The following TRIM58 variants were observed in gnomAD, a reference collection of about 807,000 sequenced individuals.
The protein encoded by TRIM58 is E3 ubiquitin-protein ligase TRIM58.
A neutral mutation model predicts 34.1 loss-of-function variants in TRIM58; 38 were observed. The ratio of observed to expected loss-of-function variants is 1.12; its 90% CI spans 0.86 to 1.46. The LOEUF is 1.46. TRIM58 is among the 40% of genes most tolerant of loss of function. The pLI is 0.00. For synonymous variants in TRIM58, 273 were observed against 275.7 expected, an observed-to-expected ratio of 0.99 and a Z score of 0.10; for missense variants, 677 against 642.0, an observed-to-expected ratio of 1.05 and a Z score of -0.59.
intron 1 of TRIM58, 34 bp from the exon 2 acceptor site, chr1:247,860,583 G>T: frequency 6.9e-7 from 1 of 1,455,234 alleles, no homozygotes; most frequent in Non-Finnish European, 9.6e-7. Context: ...TACAGATTGA[G>T]GGCATCTGTA....
chr1:247,861,952 C>T (rs1033272545), intron 2 of TRIM58, among the ~76,000 whole-genome samples: 2 of 151,326 alleles, frequency 1.3e-5, no homozygotes, highest in African/African-American at 4.9e-5. Context: ...GGAGAAACCC[C>T]GTCTCTACTA....
rs1659323267 is a variant in TRIM58 at position 247,877,716 on chromosome 1, C to T, written c.*1227C>T. On this transcript the variant is annotated 3_prime_UTR_variant, in exon 6 of 6. Transcript: ENST00000366481. ...ATATTTGATATTGCTGGTTTGAATTCAGCTTTTCCATTTAAATACATTATA... is the reference window on the plus strand; with the variant it reads ...ATATTTGATATTGCTGGTTTGAATTTAGCTTTTCCATTTAAATACATTATA... The T allele has an allele frequency of 6.6e-6, 1 of 152,088 alleles. No individual in the cohort carries two copies. The highest frequency in any genetic ancestry group is 2.4e-5 in the African/African-American group (1 of 41,398). The allele number at this position is 152,088 out of a possible 1,614,324, so 9.4% of individuals were successfully genotyped here. A position where few individuals can be genotyped will look rare whatever the true frequency, so the allele number is the denominator to read the frequency against.
intron 2 of TRIM58, among the ~76,000 whole-genome samples, chr1:247,863,081 G>A (rs1274434008): frequency 1.3e-5 from 2 of 152,194 alleles, no homozygotes; most frequent in Non-Finnish European, 2.9e-5. Flanking sequence ...AGACTTGGCT[G>A]ATTTCAGAAA....
intron 1 of TRIM58, 138 bp from the exon 2 acceptor site, chr1:247,860,479 T>C (rs1663760591): frequency 1.7e-6 from 1 of 593,720 alleles, no homozygotes; most frequent in Non-Finnish European, 3.0e-6. Context: ...TACATTTATG[T>C]TTAGTTTTTA....
chr1:247,873,409 T>C (rs1381009853), intron 5 of TRIM58, among the ~76,000 whole-genome samples: 1 of 152,126 alleles, frequency 6.6e-6, no homozygotes, highest in Non-Finnish European at 1.5e-5. Context: ...AGATCTCTTT[T>C]GTTAGAAATG....
Position 247,867,959 on chromosome 1 carries a change from C to T in TRIM58, c.771-4C>T. ...GACTTCTGTGGTTTCTGTGCTCTTC[C>T]CAGAAGTAAGGCTGTCACAAGGCTG... On this transcript the variant is annotated splice_polypyrimidine_tract_variant and splice_region_variant and intron_variant, in intron 4 of 5. Coordinates refer to ENST00000366481, the MANE Select transcript of TRIM58 (RefSeq NM_015431.4). 1 of 1,613,092 alleles carries T rather than the reference C, an allele frequency of 6.2e-7. No individual in the cohort carries two copies. Among genetic ancestry groups the T allele is most frequent in the Non-Finnish European group, 8.5e-7 (1 of 1,179,518 alleles).
Position 247,876,753 on chromosome 1 carries a change from A to G in TRIM58, c.*264A>G. ...CTTGATGTCTTCCTTCAAATTAATGACCTTGGATTACATAAGGATTTCTAT... is the reference window on the plus strand; with the variant it reads ...CTTGATGTCTTCCTTCAAATTAATGGCCTTGGATTACATAAGGATTTCTAT... On this transcript the variant is annotated 3_prime_UTR_variant, in exon 6 of 6. Coordinates refer to ENST00000366481, the MANE Select transcript of TRIM58 (RefSeq NM_015431.4). 2.2e-6 allele frequency: 1 copy of G among 459,264 alleles called. No individual in the cohort carries two copies. Among genetic ancestry groups the G allele is most frequent in the Non-Finnish European group, 3.9e-6 (1 of 258,750 alleles). The allele number at this position is 459,264 out of a possible 1,614,324, so 28.4% of individuals were successfully genotyped here.
At chr1:247,858,254 C>T (rs184021581) in intron 1 of TRIM58, among the ~76,000 whole-genome samples, 2 of 152,168 alleles carry the variant, frequency 1.3e-5, no homozygotes, top group East Asian at 1.9e-4. Flanking sequence ...ACTTAGGATT[C>T]GAACATCCTC....
intron 5 of TRIM58, among the ~76,000 whole-genome samples, chr1:247,873,754 A>T (rs1659202422): frequency 6.6e-6 from 1 of 152,110 alleles, no homozygotes; most frequent in Non-Finnish European, 1.5e-5. Context: ...GATTGCTTGA[A>T]CCCAGGAGTT....
At position 247,876,070 on chromosome 1, in the gene TRIM58, T is replaced by G; in HGVS notation, c.1042T>G (p.Trp348Gly). 2 of 1,614,148 alleles carry G rather than the reference T, an allele frequency of 1.2e-6. No homozygotes were observed. Among genetic ancestry groups the G allele is most frequent in the Non-Finnish European group, 8.5e-7 (1 of 1,180,028 alleles). Residue 348 changes from tryptophan (W) to glycine (G), a missense_variant, in exon 6 of 6, where the codon TGG becomes GGG. By Grantham distance (184) the Trp-to-Gly change is radical. Transcript: ENST00000366481. ...LQSFSSGRHY[W>G]EVLVGEGAEW... is the part of the protein sequence containing the mutation. ...GAGCTTCTCATCAGGGAGGCATTAC[T>G]GGGAGGTTCTGGTGGGAGAAGGAGC...
Position 247,879,759 on chromosome 1 carries a change from T to G in TRIM58, c.*3270T>G, listed in dbSNP as rs1659369762. ...CCTGTGGCTTCTGCTTGACATTCCC[T>G]TTTCCCTGATATCCCCTTGACTCAT... On this transcript the variant is annotated 3_prime_UTR_variant, in exon 6 of 6. Transcript: ENST00000366481. Among the ~76,000 whole-genome samples, 1 of 151,378 alleles carries G rather than the reference T, an allele frequency of 6.6e-6. No homozygotes were observed. The highest frequency in any genetic ancestry group is 2.1e-4 in the South Asian group (1 of 4,776).
rs1319310668 is a variant in TRIM58 at position 247,879,506 on chromosome 1, C to T, written c.*3017C>T. Among the ~76,000 whole-genome samples, 2 of 152,046 alleles carry T rather than the reference C, an allele frequency of 1.3e-5. No homozygotes were observed. Among genetic ancestry groups the T allele is most frequent in the East Asian group, 1.9e-4 (1 of 5,156 alleles). The stretch of plus-strand genomic sequence containing the variant: ...GTTGGCATCACAGTGACTTAGATAC[C>T]ATCACAAAGACCTCCCATTCAACTT... On this transcript the variant is annotated 3_prime_UTR_variant, in exon 6 of 6. Transcript: ENST00000366481.
At chr1:247,868,528 A>G (rs1663981575) in intron 5 of TRIM58, among the ~76,000 whole-genome samples, 1 of 152,152 alleles carries the variant, frequency 6.6e-6, no homozygotes, top group African/African-American at 2.4e-5. Context: ...ATGCAATTTG[A>G]TTTTGACACT....
rs1297996148 is a variant in TRIM58, at chr1:247,873,230, TA to T, written c.872-2662del. 4.0e-5 allele frequency among the ~76,000 whole-genome samples: 6 copies of T among 151,718 alleles called. No individual in the cohort carries two copies. The East Asian group carries it at 9.7e-4, about 24-fold the overall frequency. The stretch of plus-strand genomic sequence containing the variant: ...GGGCAACAAGAGCAAAACTCCATCT[TA>T]AAAAAAAGACAAACTGACAAGTAAC... On this transcript the variant is annotated intron_variant, in intron 5 of 5. Transcript: ENST00000366481.
Position 247,857,438 on chromosome 1 carries a change from C to T in TRIM58, c.192C>T (p.Phe64=). Residue 64 remains phenylalanine (F), a synonymous_variant, in exon 1 of 6, where the codon TTC becomes TTT. Transcript: ENST00000366481. ...CCTGTCCGCAGTGCCGGGGCCCCTTCCGGCCCTCGGGCTTTCGCCCCAACC... is the reference window on the plus strand; with the variant it reads ...CCTGTCCGCAGTGCCGGGGCCCCTTTCGGCCCTCGGGCTTTCGCCCCAACC... ...VYACPQCRGP[F]RPSGFRPNRQ... 2 of 1,447,580 alleles carry T rather than the reference C, an allele frequency of 1.4e-6. No individual in the cohort carries two copies. The highest frequency in any genetic ancestry group is 1.4e-5 in the African/African-American group (1 of 68,974). The allele number at this position is 1,447,580 out of a possible 1,614,324, so 89.7% of individuals were successfully genotyped here.
chr1:247,864,323 T>C lies in TRIM58; in HGVS notation c.517-382T>C, dbSNP rs754198232. ...TGCCTGGTCGGTTCATTTTAATTTT[T>C]TTAGAGATGGGGTCGCATTTTGCTT... On this transcript the variant is annotated intron_variant, in intron 2 of 5. Transcript: ENST00000366481. 3.0e-4 allele frequency among the ~76,000 whole-genome samples: 45 copies of C among 152,112 alleles called. 1 individual carries two copies. Among genetic ancestry groups the C allele is most frequent in the South Asian group, 1.5e-3 (7 of 4,814 alleles).
At chr1:247,859,360 C>T (rs1008118032) in intron 1 of TRIM58, among the ~76,000 whole-genome samples, 3 of 152,096 alleles carry the variant, frequency 2.0e-5, no homozygotes, top group African/African-American at 7.2e-5. Flanking sequence ...ATGCCACTTT[C>T]CCCACTGAGT....
chr1:247,873,829 G>A (rs990681856), intron 5 of TRIM58, among the ~76,000 whole-genome samples: 2 of 152,182 alleles, frequency 1.3e-5, no homozygotes, highest in Admixed American at 6.5e-5. Flanking sequence ...AACTAGCTGG[G>A]CATGGTGGTG....
intron 5 of TRIM58, among the ~76,000 whole-genome samples, chr1:247,875,680 C>T (rs370057887): frequency 1.3e-4 from 20 of 151,398 alleles, no homozygotes; most frequent in African/African-American, 2.7e-4. Context: ...TTCTGGGTTA[C>T]GCAGAGGTAA....
Sources: gnomAD v4.1 joint callset for allele counts (sites outside exome capture counted in the v4.1 genomes callset) on GRCh38, gnomAD v4.1.1 for gene constraint, MANE v1.5 for transcripts, NCBI Gene and HGNC (gene_info 2026-07-23, HGNC 2026-07-21) for gene names.